The following PTPN12 variants were observed in gnomAD, a reference collection of about 807,000 sequenced individuals.
PTPN12 encodes tyrosine-protein phosphatase non-receptor type 12.
A neutral mutation model predicts 97.6 loss-of-function variants in PTPN12; 29 were observed. The ratio of observed to expected loss-of-function variants is 0.30; its 90% CI spans 0.22 to 0.41. The LOEUF is 0.41. Ranked by LOEUF, PTPN12 falls within the 10% of genes least tolerant of loss-of-function variation. The probability of loss-of-function intolerance (pLI) is 1.00; values close to 1 mark genes in which losing one functional copy is unlikely to be tolerated. For synonymous variants in PTPN12, 327 were observed against 300.4 expected (o/e 1.09, Z -0.91); for missense variants, 819 against 926.0 (o/e 0.88, Z 1.50).
Position 77,618,506 on chromosome 7 carries a change from C to A in PTPN12, c.966C>A (p.Val322=), listed in dbSNP as rs770057677. ...ATGAAATTAACACTGAAAACATGGTCAGCTCCATAGAGCCTGAAAAACAAG... is the reference window on the plus strand; with the variant it reads ...ATGAAATTAACACTGAAAACATGGTAAGCTCCATAGAGCCTGAAAAACAAG... ...GVNEINTENM[V]SSIEPEKQDS... is the part of the protein sequence containing the mutation. The change falls in exon 12 of 18, where the codon GTC becomes GTA. Residue 322 remains valine (V), a synonymous_variant. Coordinates refer to ENST00000248594, the MANE Select transcript of PTPN12 (RefSeq NM_002835.4). 13 of 1,604,582 alleles carry A rather than the reference C, an allele frequency of 8.1e-6. No homozygotes were observed. The highest frequency in any genetic ancestry group is 9.4e-6 in the Non-Finnish European group (11 of 1,173,868).
In PTPN12 at chr7:77,625,468, G is replaced by GCTCTCTCTCTCTCTCTCT. The variant is rs139289279; in HGVS notation, c.1026-1234_1026-1233insTCTCTCTCTCTCTCTCTC. Reference sequence around the variant, plus strand: ...AGGGTTTTGCCATATTGCCCAGGCTGCTCGCTCTCTCTCTCTCTCTCTCTC... The same window carrying GCTCTCTCTCTCTCTCTCT: ...AGGGTTTTGCCATATTGCCCAGGCTGCTCTCTCTCTCTCTCTCTCTCGCTCTCTCTCTCTCTCTCTCTC... On this transcript the variant is annotated intron_variant, in intron 12 of 17. Coordinates refer to ENST00000248594, the MANE Select transcript of PTPN12 (RefSeq NM_002835.4). Among the ~76,000 whole-genome samples the GCTCTCTCTCTCTCTCTCT allele has an allele frequency of 8.9e-4, 22 of 24,754 alleles. 1 individual carries two copies. The highest frequency in any genetic ancestry group is 4.2e-3 in the African/African-American group (17 of 4,056). The allele number at this position is 24,754 out of a possible 152,430, so 16.2% of individuals were successfully genotyped here.
intron 2 of PTPN12, among the ~76,000 whole-genome samples, chr7:77,573,105 C>CCAAAAA (rs1334794189): frequency 1.3e-4 from 6 of 47,852 alleles, no homozygotes; most frequent in South Asian, 1.3e-3. Flanking sequence ...AACAAAAAAA[C>CCAAAAA]AAAAAAAACC....
intron 9 of PTPN12, among the ~76,000 whole-genome samples, chr7:77,610,476 A>G (rs1399703346): frequency 3.9e-5 from 6 of 152,222 alleles, no homozygotes; most frequent in South Asian, 2.1e-4. Context: ...TTGATATCCA[A>G]CTATGTTGTA....
At chr7:77,598,240 G>C (rs1034447564) in intron 7 of PTPN12, among the ~76,000 whole-genome samples, 1 of 150,626 alleles carries the variant, frequency 6.6e-6, no homozygotes, top group African/African-American at 2.4e-5. Flanking sequence ...AGTTTTCAAA[G>C]AGAAGACATA....
In PTPN12 at chr7:77,627,526, C is replaced by T; in HGVS notation, c.1847C>T (p.Ala616Val). 3.1e-6 allele frequency: 5 copies of T among 1,614,126 alleles called. No individual in the cohort carries two copies. Among genetic ancestry groups the T allele is most frequent in the Non-Finnish European group, 4.2e-6 (5 of 1,179,990 alleles). ...TCAGATGAAAGAAACTCTGATGGTG[C>T]TGTGACCCAGAATAAAACTAATATT... ...SDSDERNSDG[A>V]VTQNKTNIST... The change falls in exon 13 of 18, where the codon GCT becomes GTT. Residue 616 changes from alanine to valine, a missense_variant. By Grantham distance (64) the Ala-to-Val change is moderately conservative. Transcript: ENST00000248594.
At chr7:77,562,570 G>A (rs1269691469) in intron 1 of PTPN12, among the ~76,000 whole-genome samples, 1 of 152,086 alleles carries the variant, frequency 6.6e-6, no homozygotes, top group Non-Finnish European at 1.5e-5. Context: ...GGAATTTTAG[G>A]GTGATTTACT....
rs187204153 is a variant in PTPN12 at position 77,607,770 on chromosome 7, C to T, written c.762+469C>T. Among the ~76,000 whole-genome samples, 272 of 147,886 alleles carry T rather than the reference C, an allele frequency of 1.8e-3. 1 individual carries two copies. Among genetic ancestry groups the T allele is most frequent in the African/African-American group, 6.0e-3 (240 of 40,012 alleles). The stretch of plus-strand genomic sequence containing the variant: ...CCTTTTTTTTTTTTTCTTTTTTTTC[C>T]GAGATAGAGTTTCACTCTTGTTGCC... On this transcript the variant is annotated intron_variant, in intron 9 of 17. Transcript: ENST00000248594.
At chr7:77,618,369 C>G in intron 11 of PTPN12, 111 bp from the exon 12 acceptor site, 1 of 669,218 alleles carries the variant, frequency 1.5e-6, no homozygotes, top group East Asian at 2.8e-5. Context: ...TTTAACTTGG[C>G]AAAATTGGCA....
intron 1 of PTPN12, 64 bp downstream of exon 1, chr7:77,537,709 G>GGCC (rs1806723817): frequency 1.3e-6 from 2 of 1,505,810 alleles, no homozygotes. Flanking sequence ...CGCCTCTCCC[G>GGCC]GCCGGGCCGC....
At chr7:77,587,237 G>C (rs1290193190) in intron 5 of PTPN12, among the ~76,000 whole-genome samples, 1 of 151,978 alleles carries the variant, frequency 6.6e-6, no homozygotes, top group East Asian at 1.9e-4. Flanking sequence ...TAAATAATAA[G>C]ACTTGAAACT....
Position 77,639,327 on chromosome 7 carries a change from G to T in PTPN12, c.*47G>T, listed in dbSNP as rs768641370. The T allele has an allele frequency of 7.0e-7, 1 of 1,420,222 alleles. No homozygotes were observed. Among genetic ancestry groups the T allele is most frequent in the Admixed American group, 1.8e-5 (1 of 56,548 alleles). 88.0% of individuals were successfully genotyped at this position (1,420,222 alleles called of 1,614,324 possible). A position where few individuals can be genotyped will look rare whatever the true frequency, so the allele number is the denominator to read the frequency against. ...TTAAGTTATACTGGAAAATTCAGGTGCCACTGAAAGCCAGATTTATAGTAT... is the reference window on the plus strand; with the variant it reads ...TTAAGTTATACTGGAAAATTCAGGTTCCACTGAAAGCCAGATTTATAGTAT... On this transcript the variant is annotated 3_prime_UTR_variant, in exon 18 of 18. Transcript: ENST00000248594.
At chr7:77,547,058 G>A (rs1360707526) in intron 1 of PTPN12, among the ~76,000 whole-genome samples, 1 of 152,010 alleles carries the variant, frequency 6.6e-6, no homozygotes, top group East Asian at 1.9e-4. Flanking sequence ...ATATCTAATC[G>A]GCATTTAAAA....
intron 1 of PTPN12, among the ~76,000 whole-genome samples, chr7:77,568,329 T>G (rs1337603211): frequency 4.6e-5 from 7 of 152,184 alleles, no homozygotes; most frequent in Admixed American, 4.6e-4. Context: ...ATTTGTCATG[T>G]AAAAGAAGAA....
chr7:77,624,562 C>G (rs191929833), intron 12 of PTPN12, among the ~76,000 whole-genome samples: 14 of 152,026 alleles, frequency 9.2e-5, no homozygotes, highest in South Asian at 6.2e-4. Context: ...GACTCAGCTT[C>G]CTGAGTAGCT....
intron 1 of PTPN12, among the ~76,000 whole-genome samples, chr7:77,540,239 C>CTTT (rs71688645): frequency 7.0e-6 from 1 of 143,816 alleles, no homozygotes; most frequent in Non-Finnish European, 1.5e-5. Context: ...TTCTTTCTTT[C>CTTT]TTTCTTTTTT....
intron 2 of PTPN12, among the ~76,000 whole-genome samples, chr7:77,572,823 G>A (rs573220745): frequency 1.3e-5 from 2 of 152,130 alleles, no homozygotes; most frequent in African/African-American, 2.4e-5. Context: ...GGTGGCTCAC[G>A]CCTATAATCC....
chr7:77,569,643 C>T (rs1752897380), intron 1 of PTPN12, among the ~76,000 whole-genome samples: 1 of 152,082 alleles, frequency 6.6e-6, no homozygotes, highest in African/African-American at 2.4e-5. Context: ...TGGTGGCACG[C>T]ATCTGTAATT....
chr7:77,602,620 T>A (rs550622729), intron 8 of PTPN12, among the ~76,000 whole-genome samples: 100 of 143,522 alleles, frequency 7.0e-4, no homozygotes, highest in African/African-American at 1.2e-3. Flanking sequence ...CCCTATCTTT[T>A]AAAAAAAAAA....
chr7:77,608,209 T>A (rs1338672714), intron 9 of PTPN12, among the ~76,000 whole-genome samples: 1 of 152,226 alleles, frequency 6.6e-6, no homozygotes, highest in East Asian at 1.9e-4. Context: ...AGCTGTGGGA[T>A]CTTGGTCAAA....
Sources: allele counts gnomAD v4.1 joint callset (sites outside exome capture counted in the v4.1 genomes callset), GRCh38; gene constraint gnomAD v4.1.1; transcripts MANE v1.5; gene names NCBI Gene and HGNC (gene_info 2026-07-23, HGNC 2026-07-21).